The following ALPK2 variants were observed in gnomAD, a reference collection of about 807,000 sequenced individuals.
ALPK2 encodes alpha-protein kinase 2.
ALPK2 carries 127 observed loss-of-function variants against 163.1 expected under a neutral mutation model. That is an observed-to-expected ratio of 0.78 (90% CI 0.67 to 0.90). The LOEUF is 0.90. Ranked by LOEUF, ALPK2 falls within the 40% of genes least tolerant of loss-of-function variation. ALPK2 has a pLI of 0.00. For synonymous variants in ALPK2, 953 were observed against 959.1 expected, an observed-to-expected ratio of 0.99 and a Z score of 0.12; for missense variants, 2,360 against 2,589.6, an observed-to-expected ratio of 0.91 and a Z score of 1.92.
intron 6 of ALPK2, 98 bp from the exon 7 acceptor site, chr18:58,524,160 C>T: frequency 6.8e-7 from 1 of 1,474,494 alleles, no homozygotes; most frequent in Admixed American, 2.4e-5. Context: ...CTTCCCTGCT[C>T]ACATGTTTTC....
In ALPK2 at chr18:58,515,091, CA is replaced by C; in HGVS notation, c.5941-11del. The C allele has an allele frequency of 6.2e-7, 1 of 1,602,428 alleles. No homozygotes were observed. On this transcript the variant is annotated splice_polypyrimidine_tract_variant and intron_variant, in intron 9 of 12. Coordinates refer to ENST00000361673, the MANE Select transcript of ALPK2 (RefSeq NM_052947.4). ...TTTGAACATAGCATTCCTATATCGC[CA>C]AAATACATAGAAAGCCCCAGTGACT...
At position 58,535,885 on chromosome 18, in the gene ALPK2, A is replaced by AC. The variant is rs758685358; in HGVS notation, c.4301dup (p.Gln1435SerfsTer4). 1 of 1,612,108 alleles carries AC rather than the reference A, an allele frequency of 6.2e-7. No homozygotes were observed. Among genetic ancestry groups the AC allele is most frequent in the African/African-American group, 1.3e-5 (1 of 74,226 alleles). On this transcript the variant is annotated frameshift_variant, in exon 5 of 13. Coordinates refer to ENST00000361673, the MANE Select transcript of ALPK2 (RefSeq NM_052947.4). LOFTEE classifies it high-confidence loss of function. The stretch of plus-strand genomic sequence containing the variant: ...GGCCCATGTTTCCGTCATTTGATTG[A>AC]CCCCCTTCTCTGGCGCCCTGTGGTG...
chr18:58,498,053 T>A lies in ALPK2; in HGVS notation c.6292A>T (p.Lys2098Ter), dbSNP rs1409654929. 1.9e-6 allele frequency: 3 copies of A among 1,613,986 alleles called. No individual in the cohort carries two copies. The East Asian group carries it at 6.7e-5, about 36-fold the overall frequency. The change falls in exon 12 of 13, where the codon AAA becomes TAA. Residue 2098 changes from lysine to a stop codon, truncating the protein, a stop_gained. Transcript: ENST00000361673. LOFTEE classifies it high-confidence loss of function. Reference sequence around the variant, plus strand: ...ACTCCATTTTTTCCTACTCACCCTTTAGCCAGCGTTGCTATGCCAACGTCA... The same window carrying A: ...ACTCCATTTTTTCCTACTCACCCTTAAGCCAGCGTTGCTATGCCAACGTCA... ...LTDVGIATLA[K>*]GYKGFKGNCS... is the part of the protein sequence containing the mutation.
intron 4 of ALPK2, among the ~76,000 whole-genome samples, chr18:58,554,584 T>A (rs1040519459): frequency 1.8e-4 from 27 of 152,140 alleles, no homozygotes; most frequent in African/African-American, 6.5e-4. Flanking sequence ...AGCCTCTAAT[T>A]CTCTTGAGGA....
intron 10 of ALPK2, among the ~76,000 whole-genome samples, chr18:58,508,440 T>C (rs933293562): frequency 2.6e-5 from 4 of 152,114 alleles, no homozygotes; most frequent in African/African-American, 9.7e-5. Context: ...GATAGGAGGT[T>C]AGCACAGGAT....
intron 3 of ALPK2, among the ~76,000 whole-genome samples, chr18:58,593,563 C>CAAAAAA (rs34460316): frequency 3.9e-5 from 2 of 50,650 alleles, no homozygotes; most frequent in African/African-American, 1.6e-4. Context: ...GACTCTGTCT[C>CAAAAAA]AAAAAAAAAA....
At chr18:58,568,330 T>A (rs898011200) in intron 4 of ALPK2, among the ~76,000 whole-genome samples, 1 of 152,130 alleles carries the variant, frequency 6.6e-6, no homozygotes, top group African/African-American at 2.4e-5. Flanking sequence ...TTGTGGGAAA[T>A]CACGGGCAAG....
rs547130390 is a variant in ALPK2, at chr18:58,481,692, C to T, written c.*131G>A. On this transcript the variant is annotated 3_prime_UTR_variant, in exon 13 of 13. Coordinates refer to ENST00000361673, the MANE Select transcript of ALPK2 (RefSeq NM_052947.4). ...GGTGATGGGTTTAGAAGCATCTTGG[C>T]GCACAGTCGGCTGGGAGTAAGGATT... 1.7e-5 allele frequency: 12 copies of T among 712,774 alleles called. No individual in the cohort carries two copies. The highest frequency in any genetic ancestry group is 5.5e-5 in the South Asian group (3 of 54,520). The allele number at this position is 712,774 out of a possible 1,614,324, so 44.2% of individuals were successfully genotyped here.
At chr18:58,600,530 T>C (rs754327510) in intron 3 of ALPK2, 1 of 152,202 alleles carries the variant, frequency 6.6e-6, no homozygotes, top group Non-Finnish European at 1.5e-5. Flanking sequence ...CCAGAGTATC[T>C]TGAGGAAGGT....
chr18:58,607,706 C>A (rs779511467), intron 2 of ALPK2, among the ~76,000 whole-genome samples: 2 of 152,108 alleles, frequency 1.3e-5, no homozygotes, highest in Non-Finnish European at 2.9e-5. Context: ...CTAATCTCAA[C>A]GTGCTATTAA....
intron 10 of ALPK2, among the ~76,000 whole-genome samples, chr18:58,506,128 G>A (rs1035617222): frequency 6.6e-5 from 10 of 152,024 alleles, no homozygotes; most frequent in African/African-American, 1.9e-4. Context: ...CCATCTCCAC[G>A]TGATGTCTCA....
rs10689097 is a variant in ALPK2, at chr18:58,564,123, C to CTTTTTTTT, written c.1962+14683_1962+14690dup. Among the ~76,000 whole-genome samples the CTTTTTTTT allele has an allele frequency of 1.0e-3, 102 of 102,446 alleles. 11 individuals are homozygous for CTTTTTTTT. The highest frequency in any genetic ancestry group is 3.3e-3 in the African/African-American group (80 of 24,184). 67.2% of individuals were successfully genotyped at this position (102,446 alleles called of 152,430 possible). A position where few individuals can be genotyped will look rare whatever the true frequency, so the allele number is the denominator to read the frequency against. On this transcript the variant is annotated intron_variant, in intron 4 of 12. Coordinates refer to ENST00000361673, the MANE Select transcript of ALPK2 (RefSeq NM_052947.4). ...GAATTGCGTATTTGATGTCTTTGTT[C>CTTTTTTTT]TTTTTTTTTTTTTTTTGAGATGGAG...
chr18:58,579,547 A>G lies in ALPK2; in HGVS notation c.1229T>C (p.Val410Ala). 2 of 1,613,180 alleles carry G rather than the reference A, an allele frequency of 1.2e-6. No homozygotes were observed. Among genetic ancestry groups the G allele is most frequent in the South Asian group, 2.2e-5 (2 of 91,030 alleles). ...GGAGACTCTGCTGCTCCTCACCCCAACTTCTTGGGGTTGTGAGTGATGACC... is the reference window on the plus strand; with the variant it reads ...GGAGACTCTGCTGCTCCTCACCCCAGCTTCTTGGGGTTGTGAGTGATGACC... ...FCGHHSQPQEVGVRSSRVSKH... is the reference protein window; with the variant it reads ...FCGHHSQPQEAGVRSSRVSKH... Residue 410 changes from valine (V) to alanine (A), a missense_variant, in exon 4 of 13, where the codon GTT becomes GCT. Val to Ala is a moderately conservative substitution (Grantham distance 64, BLOSUM62 0). Coordinates refer to ENST00000361673, the MANE Select transcript of ALPK2 (RefSeq NM_052947.4).
At chr18:58,556,231 A>T (rs2051790524) in intron 4 of ALPK2, among the ~76,000 whole-genome samples, 1 of 152,166 alleles carries the variant, frequency 6.6e-6, no homozygotes. Flanking sequence ...TATATAGTAA[A>T]AATTGTGTCT....
Position 58,568,192 on chromosome 18 carries a change from A to G in ALPK2, c.1962+10622T>C, listed in dbSNP as rs777426692. On this transcript the variant is annotated intron_variant, in intron 4 of 12. Coordinates refer to ENST00000361673, the MANE Select transcript of ALPK2 (RefSeq NM_052947.4). ...TTACACTTTAAGGGTGTGATTTTTC[A>G]GAATGTGAGGTGTTTCTGGGATGCA... is the stretch of plus-strand genomic sequence containing the variant. 9.8e-5 allele frequency among the ~76,000 whole-genome samples: 15 copies of G among 152,306 alleles called. No individual in the cohort carries two copies. The South Asian group carries it at 2.3e-3, about 23-fold the overall frequency.
intron 8 of ALPK2, among the ~76,000 whole-genome samples, chr18:58,519,174 A>C (rs749425920): frequency 2.0e-4 from 31 of 152,230 alleles, no homozygotes; most frequent in African/African-American, 1.4e-4. Flanking sequence ...ATTTTACTCT[A>C]AGTAACGGAA....
At chr18:58,589,163 G>T (rs2052002853) in intron 3 of ALPK2, among the ~76,000 whole-genome samples, 1 of 152,228 alleles carries the variant, frequency 6.6e-6, no homozygotes, top group Admixed American at 6.5e-5. Flanking sequence ...CATGGAGGGG[G>T]TCACTGCTTT....
chr18:58,583,737 C>CAAA lies in ALPK2; in HGVS notation c.228-3192_228-3190dup, dbSNP rs576126970. Among the ~76,000 whole-genome samples the CAAA allele has an allele frequency of 2.6e-3, 310 of 119,610 alleles. 2 individuals carry two copies. The highest frequency in any genetic ancestry group is 9.6e-3 in the African/African-American group (300 of 31,368). The allele number at this position is 119,610 out of a possible 152,430, so 78.5% of individuals were successfully genotyped here. A position where few individuals can be genotyped will look rare whatever the true frequency, so the allele number is the denominator to read the frequency against. On this transcript the variant is annotated intron_variant, in intron 3 of 12. Transcript: ENST00000361673. ...TGGATGGCAGAGCAAGACTTTGTCT[C>CAAA]AAAAAAAAAAAAAAAAAGAAAGAAA...
chr18:58,524,384 G>A lies in ALPK2; in HGVS notation c.5502-322C>T, dbSNP rs59207205. ...TTCAGCTCAATTATGTGACTAATCCGGGTGTCCTGTGCTTGAAGGAAAGTC... is the reference window on the plus strand; with the variant it reads ...TTCAGCTCAATTATGTGACTAATCCAGGTGTCCTGTGCTTGAAGGAAAGTC... On this transcript the variant is annotated intron_variant, in intron 6 of 12. Transcript: ENST00000361673. 8.2e-3 allele frequency among the ~76,000 whole-genome samples: 1,246 copies of A among 152,298 alleles called. 12 individuals are homozygous for A. Among genetic ancestry groups the A allele is most frequent in the Middle Eastern group, 0.034 (10 of 294 alleles).
Sources: gnomAD v4.1 joint callset for allele counts (sites outside exome capture counted in the v4.1 genomes callset) on GRCh38, gnomAD v4.1.1 for gene constraint, MANE v1.5 for transcripts, NCBI Gene and HGNC (gene_info 2026-07-23, HGNC 2026-07-21) for gene names.